Variants in CFAP52 observed in about 807,000 individuals in gnomAD.
The protein encoded by CFAP52 is cilia- and flagella-associated protein 52.
A neutral mutation model predicts 70.5 loss-of-function variants in CFAP52; 57 were observed. The ratio of observed to expected loss-of-function variants is 0.81; its 90% CI spans 0.65 to 1.01. CFAP52 has a LOEUF of 1.01. CFAP52 is among the 50% of genes least tolerant of loss of function. The pLI, the probability that CFAP52 is intolerant of heterozygous loss-of-function variation, is 0.00. For missense variants in CFAP52, 785 were observed against 788.5 expected, an observed-to-expected ratio of 1.00 and a Z score of 0.05; for synonymous variants, 267 against 292.5, an observed-to-expected ratio of 0.91 and a Z score of 0.89.
intron 1 of CFAP52, among the ~76,000 whole-genome samples, chr17:9,585,544 G>GCACT: frequency 6.6e-6 from 1 of 152,144 alleles, no homozygotes; most frequent in East Asian, 1.9e-4. Flanking sequence ...GGTGGCGGGT[G>GCACT]CCTGTAATCC....
intron 1 of CFAP52, among the ~76,000 whole-genome samples, chr17:9,578,145 G>A (rs553569487): frequency 6.6e-6 from 1 of 152,318 alleles, no homozygotes; most frequent in Middle Eastern, 3.4e-3. Flanking sequence ...CAGGTTATAG[G>A]AGGAGCTATG....
chr17:9,587,428 G>A (rs1453178265), intron 3 of CFAP52, among the ~76,000 whole-genome samples: 2 of 152,118 alleles, frequency 1.3e-5, no homozygotes, highest in African/African-American at 2.4e-5. Flanking sequence ...GTTTTTAGCT[G>A]TTTGAGGAAT....
At chr17:9,622,937 G>C (rs928023742) in intron 8 of CFAP52, among the ~76,000 whole-genome samples, 2 of 151,900 alleles carry the variant, frequency 1.3e-5, no homozygotes, top group Non-Finnish European at 2.9e-5. Context: ...ATGTACTTTG[G>C]AGATCTTTTT....
intron 8 of CFAP52, among the ~76,000 whole-genome samples, chr17:9,622,022 AAT>A (rs1910060507): frequency 6.6e-6 from 1 of 152,180 alleles, no homozygotes; most frequent in Admixed American, 6.6e-5. Context: ...TAAATAAATA[AAT>A]ATAGTTTTTC....
intron 5 of CFAP52, among the ~76,000 whole-genome samples, chr17:9,599,507 T>C (rs928529443): frequency 1.3e-5 from 2 of 152,204 alleles, no homozygotes; most frequent in Admixed American, 6.5e-5. Flanking sequence ...CAGAACCAGA[T>C]AGACTTCAAG....
At chr17:9,640,314 G>A (rs778264244) in intron 12 of CFAP52, among the ~76,000 whole-genome samples, 80 of 151,336 alleles carry the variant, frequency 5.3e-4, no homozygotes, top group South Asian at 8.4e-4. Context: ...TGCCGTGGTG[G>A]TTTGCTGTAC....
intron 7 of CFAP52, among the ~76,000 whole-genome samples, chr17:9,611,974 A>C (rs570056398): frequency 9.2e-5 from 14 of 152,310 alleles, no homozygotes; most frequent in African/African-American, 3.1e-4. Context: ...TCAGAAGTGG[A>C]ATTAATAAAG....
chr17:9,590,915 A>G (rs1908717639), intron 3 of CFAP52, among the ~76,000 whole-genome samples: 1 of 151,894 alleles, frequency 6.6e-6, no homozygotes, highest in Non-Finnish European at 1.5e-5. Flanking sequence ...TCAGGGGTCA[A>G]CCCTGAATGT....
At chr17:9,596,730 T>C (rs1909034996) in intron 4 of CFAP52, among the ~76,000 whole-genome samples, 1 of 151,906 alleles carries the variant, frequency 6.6e-6, no homozygotes, top group Non-Finnish European at 1.5e-5. Context: ...GTGTTTTTTT[T>C]TTGAGATGGA....
chr17:9,628,248 G>C lies in CFAP52; in HGVS notation c.1026-424G>C, dbSNP rs1309397585. The stretch of plus-strand genomic sequence containing the variant: ...AATGGTCTGTAAGACAATCATCAAG[G>C]CTTCAGATAATAAAAGGCATCCTTC... On this transcript the variant is annotated intron_variant, in intron 8 of 13. Transcript: ENST00000352665. Among the ~76,000 whole-genome samples the C allele has an allele frequency of 2.0e-5, 3 of 151,558 alleles. No individual in the cohort carries two copies. The East Asian group carries it at 5.8e-4, about 29-fold the overall frequency.
chr17:9,629,392 A>G (rs1339770959), intron 9 of CFAP52, among the ~76,000 whole-genome samples: 1 of 152,158 alleles, frequency 6.6e-6, no homozygotes, highest in African/African-American at 2.4e-5. Context: ...CTTCACATCA[A>G]TGAAAAGTTC....
chr17:9,583,991 T>C (rs560298006), intron 1 of CFAP52, among the ~76,000 whole-genome samples: 12 of 152,226 alleles, frequency 7.9e-5, no homozygotes, highest in Non-Finnish European at 1.8e-4. Context: ...CCTCACCGAG[T>C]TGAGTCTCTG....
intron 1 of CFAP52, among the ~76,000 whole-genome samples, chr17:9,581,566 G>A (rs1197841683): frequency 3.3e-5 from 5 of 151,942 alleles, no homozygotes; most frequent in South Asian, 2.1e-4. Context: ...AGGGACAGAG[G>A]GAGACAGAGA....
chr17:9,627,070 T>A (rs1370031351), intron 8 of CFAP52, among the ~76,000 whole-genome samples: 1 of 152,038 alleles, frequency 6.6e-6, no homozygotes, highest in Non-Finnish European at 1.5e-5. Context: ...TAATCTGTAA[T>A]CTTTTGACAC....
chr17:9,637,448 A>G (rs1309831049), intron 11 of CFAP52, among the ~76,000 whole-genome samples: 2 of 152,218 alleles, frequency 1.3e-5, no homozygotes, highest in African/African-American at 2.4e-5. Context: ...AACTGTGCAG[A>G]AGGTGCATTT....
intron 3 of CFAP52, among the ~76,000 whole-genome samples, chr17:9,590,685 C>A (rs759402753): frequency 2.6e-5 from 4 of 152,248 alleles, no homozygotes; most frequent in East Asian, 3.9e-4. Flanking sequence ...CTAGGTCTTG[C>A]GGGGAAAATG....
chr17:9,612,538 A>G, intron 8 of CFAP52, 59 bp downstream of exon 8: 9 of 1,517,236 alleles, frequency 5.9e-6, no homozygotes, highest in Non-Finnish European at 8.0e-6. Context: ...AGGGCATTTA[A>G]TTTTATGAAT....
chr17:9,594,189 G>A lies in CFAP52; in HGVS notation c.408-4G>A. 6.4e-7 allele frequency: 1 copy of A among 1,563,260 alleles called. No homozygotes were observed. Among genetic ancestry groups the A allele is most frequent in the East Asian group, 2.3e-5 (1 of 43,612 alleles). On this transcript the variant is annotated splice_polypyrimidine_tract_variant and splice_region_variant and intron_variant, in intron 3 of 13. Coordinates refer to ENST00000352665, the MANE Select transcript of CFAP52 (RefSeq NM_145054.5). ...TTTTTTTTTGGTCCCTCTTATTTTG[G>A]CAGTGTGGTGGTGTGGAGCATAGCC...
At chr17:9,582,711 A>C (rs1399669990) in intron 1 of CFAP52, among the ~76,000 whole-genome samples, 1 of 152,328 alleles carries the variant, frequency 6.6e-6, no homozygotes, top group East Asian at 1.9e-4. Context: ...ATCTCAGCTC[A>C]CTGCAACATC....
Sources: allele counts gnomAD v4.1 joint callset (sites outside exome capture counted in the v4.1 genomes callset), GRCh38; gene constraint gnomAD v4.1.1; transcripts MANE v1.5; gene names NCBI Gene and HGNC (gene_info 2026-07-23, HGNC 2026-07-21).